The following IMMP2L variants were observed in gnomAD, a reference collection of about 807,000 sequenced individuals.
The protein encoded by IMMP2L is mitochondrial inner membrane protease subunit 2.
Under a neutral mutation model 19.3 loss-of-function variants are expected in IMMP2L, and 18 were observed. The observed-to-expected ratio is 0.93, with a 90% confidence interval of 0.64 to 1.38. IMMP2L has a LOEUF of 1.38. IMMP2L is among the 40% of genes most tolerant of loss of function. The pLI is 0.00. For synonymous variants in IMMP2L, 76 were observed against 73.0 expected (o/e 1.04, Z -0.21); for missense variants, 233 against 218.2 (o/e 1.07, Z -0.43).
At chr7:111,560,872 CACAA>C (rs1379069195) in intron 1 of IMMP2L, among the ~76,000 whole-genome samples, 2 of 152,170 alleles carry the variant, frequency 1.3e-5, no homozygotes, top group East Asian at 1.9e-4. Context: ...ATCACTTGAG[CACAA>C]ACAAATAGGC....
intron 3 of IMMP2L, among the ~76,000 whole-genome samples, chr7:111,301,924 A>T (rs1456021074): frequency 1.4e-4 from 5 of 35,634 alleles, no homozygotes; most frequent in Admixed American, 7.0e-4. Flanking sequence ...CATGCTTTAA[A>T]AAAAAAAAAA....
intron 1 of IMMP2L, among the ~76,000 whole-genome samples, chr7:111,528,395 G>A (rs2132761889): frequency 6.6e-6 from 1 of 152,238 alleles, no homozygotes; most frequent in African/African-American, 2.4e-5. Context: ...TCAAAACACT[G>A]CTCCTGAGAA....
intron 3 of IMMP2L, among the ~76,000 whole-genome samples, chr7:111,172,536 A>G (rs545107251): frequency 6.6e-6 from 1 of 151,626 alleles, no homozygotes; most frequent in East Asian, 1.9e-4. Context: ...TAAAATATAT[A>G]ATACATTGCT....
chr7:111,060,267 C>T (rs535961845), intron 3 of IMMP2L, among the ~76,000 whole-genome samples: 1 of 152,328 alleles, frequency 6.6e-6, no homozygotes, highest in Admixed American at 6.5e-5. Context: ...GGTACTACCA[C>T]CACTCAAGTT....
intron 4 of IMMP2L, among the ~76,000 whole-genome samples, chr7:110,938,220 T>C (rs529334517): frequency 2.0e-5 from 3 of 152,300 alleles, no homozygotes; most frequent in African/African-American, 7.2e-5. Flanking sequence ...TCAATACACA[T>C]TTATGGCATA....
At chr7:110,925,512 TG>T (rs1419271705) in intron 4 of IMMP2L, among the ~76,000 whole-genome samples, 1 of 152,106 alleles carries the variant, frequency 6.6e-6, no homozygotes, top group Non-Finnish European at 1.5e-5. Flanking sequence ...CTGTCTGAGA[TG>T]AAAAGATACG....
intron 5 of IMMP2L, among the ~76,000 whole-genome samples, chr7:110,834,514 C>A (rs1804256710): frequency 6.6e-6 from 1 of 151,958 alleles, no homozygotes; most frequent in African/African-American, 2.4e-5. Context: ...AGGAGACAAC[C>A]CCTGGAAGGA....
At chr7:110,945,946 T>C (rs1172979237) in intron 4 of IMMP2L, among the ~76,000 whole-genome samples, 1 of 152,172 alleles carries the variant, frequency 6.6e-6, no homozygotes, top group Non-Finnish European at 1.5e-5. Context: ...GAAGACGACT[T>C]TGAGATTTGT....
At chr7:111,400,365 C>T (rs1191727521) in intron 3 of IMMP2L, among the ~76,000 whole-genome samples, 1 of 152,166 alleles carries the variant, frequency 6.6e-6, no homozygotes, top group Non-Finnish European at 1.5e-5. Context: ...TCAGTAATTT[C>T]TTAGCACAAA....
intron 3 of IMMP2L, among the ~76,000 whole-genome samples, chr7:111,152,009 G>T (rs1032939744): frequency 1.3e-5 from 2 of 152,058 alleles, no homozygotes; most frequent in Non-Finnish European, 2.9e-5. Context: ...AGTGATAATA[G>T]TATAATAACT....
At chr7:110,917,211 CAAGG>C (rs1380858060) in intron 4 of IMMP2L, among the ~76,000 whole-genome samples, 1 of 152,122 alleles carries the variant, frequency 6.6e-6, no homozygotes, top group Non-Finnish European at 1.5e-5. Context: ...CTGGAGGAGG[CAAGG>C]AAGGGAATCT....
intron 3 of IMMP2L, among the ~76,000 whole-genome samples, chr7:110,977,313 A>T (rs1170301095): frequency 6.6e-6 from 1 of 151,800 alleles, no homozygotes; most frequent in Non-Finnish European, 1.5e-5. Context: ...CTTAACATCT[A>T]TTTTTTCATG....
At chr7:110,894,498 T>A (rs1669350534) in intron 4 of IMMP2L, among the ~76,000 whole-genome samples, 2 of 152,216 alleles carry the variant, frequency 1.3e-5, no homozygotes, top group South Asian at 4.1e-4. Context: ...TTTCATGTTA[T>A]CTGTCATTTG....
chr7:110,982,203 A>G (rs1821377303), intron 3 of IMMP2L, among the ~76,000 whole-genome samples: 1 of 152,146 alleles, frequency 6.6e-6, no homozygotes, highest in South Asian at 2.1e-4. Context: ...TTCAAAAACA[A>G]CATAGATACC....
chr7:111,335,705 G>A (rs1190718189), intron 3 of IMMP2L, among the ~76,000 whole-genome samples: 1 of 152,104 alleles, frequency 6.6e-6, no homozygotes, highest in African/African-American at 2.4e-5. Flanking sequence ...GAATGAGTTT[G>A]AGCTACATAA....
At chr7:111,384,318 A>AGAAGGAGGAG (rs1443032950) in intron 3 of IMMP2L, among the ~76,000 whole-genome samples, 1 of 150,570 alleles carries the variant, frequency 6.6e-6, no homozygotes, top group South Asian at 2.1e-4. Context: ...AGGGAAAAGG[A>AGAAGGAGGAG]GAAGGAGGAG....
chr7:111,150,760 T>C (rs760620382), intron 3 of IMMP2L, among the ~76,000 whole-genome samples: 2 of 152,246 alleles, frequency 1.3e-5, no homozygotes, highest in African/African-American at 2.4e-5. Flanking sequence ...GCAAGCCTTA[T>C]TGGCTATTCT....
Position 110,896,633 on chromosome 7 carries a change from A to C in IMMP2L, c.306-9938T>G, listed in dbSNP as rs1231229630. Reference sequence around the variant, plus strand: ...TGCCTTTCAAAAATTTTTAATTTCAAAATACTGAGGTATTTTCGTATGTTA... The same window carrying C: ...TGCCTTTCAAAAATTTTTAATTTCACAATACTGAGGTATTTTCGTATGTTA... On this transcript the variant is annotated intron_variant, in intron 4 of 5. Transcript: ENST00000405709. Among the ~76,000 whole-genome samples, 2 of 147,260 alleles carry C rather than the reference A, an allele frequency of 1.4e-5. 1 individual carries two copies. Among genetic ancestry groups the C allele is most frequent in the African/African-American group, 5.1e-5 (2 of 38,940 alleles).
rs1484229556 is a variant in IMMP2L, at chr7:111,214,328, C to CTTTTTTTTTTTTTTTTTTTTT, written c.240-250764_240-250763insAAAAAAAAAAAAAAAAAAAAA. On this transcript the variant is annotated intron_variant, in intron 3 of 5. Coordinates refer to ENST00000405709, the MANE Select transcript of IMMP2L (RefSeq NM_032549.4). Reference sequence around the variant, plus strand: ...GTGAATGAATGACAAAGTAATTTTTCTTCTTTTTTTTTTTTTTTTTTTTTT... The same window carrying CTTTTTTTTTTTTTTTTTTTTT: ...GTGAATGAATGACAAAGTAATTTTTCTTTTTTTTTTTTTTTTTTTTTTTCTTTTTTTTTTTTTTTTTTTTTT... 5.9e-5 allele frequency among the ~76,000 whole-genome samples: 5 copies of CTTTTTTTTTTTTTTTTTTTTT among 85,110 alleles called. 2 individuals carry two copies. Among genetic ancestry groups the CTTTTTTTTTTTTTTTTTTTTT allele is most frequent in the Non-Finnish European group, 4.5e-5 (2 of 44,320 alleles). The allele number at this position is 85,110 out of a possible 152,430, so 55.8% of individuals were successfully genotyped here.
Sources: gnomAD v4.1 joint callset for allele counts (sites outside exome capture counted in the v4.1 genomes callset) on GRCh38, gnomAD v4.1.1 for gene constraint, MANE v1.5 for transcripts, NCBI Gene and HGNC (gene_info 2026-07-23, HGNC 2026-07-21) for gene names.